Variants in FHOD3 observed in about 807,000 individuals in gnomAD.
FHOD3 encodes FH1/FH2 domain-containing protein 3.
In FHOD3, 90 loss-of-function variants were observed where a neutral mutation model predicts 173.0. That is an observed-to-expected ratio of 0.52 (90% CI 0.44 to 0.62). FHOD3 has a LOEUF of 0.62. Among genes scored for constraint, FHOD3 ranks in the 20% least tolerant of loss-of-function variants. FHOD3 has a pLI of 0.00. For synonymous variants in FHOD3, 828 were observed against 823.0 expected, an observed-to-expected ratio of 1.01 and a Z score of -0.10; for missense variants, 1,945 against 2,034.7, an observed-to-expected ratio of 0.96 and a Z score of 0.85.
At chr18:36,468,109 A>G (rs1219982748) in intron 3 of FHOD3, among the ~76,000 whole-genome samples, 1 of 151,868 alleles carries the variant, frequency 6.6e-6, no homozygotes, top group South Asian at 2.1e-4. Context: ...CTGGGAGCCG[A>G]GAGGGGAAGA....
chr18:36,532,673 C>T (rs1191869610), intron 5 of FHOD3, among the ~76,000 whole-genome samples: 1 of 152,206 alleles, frequency 6.6e-6, no homozygotes, highest in Non-Finnish European at 1.5e-5. Flanking sequence ...TCAGTAGTTA[C>T]CACGTGTTGT....
chr18:36,573,999 G>A (rs1309188555), intron 5 of FHOD3, among the ~76,000 whole-genome samples: 1 of 152,144 alleles, frequency 6.6e-6, no homozygotes, highest in Non-Finnish European at 1.5e-5. Flanking sequence ...TGCTACTTAG[G>A]CAGTGATGGA....
At chr18:36,714,263 G>A (rs906023606) in intron 18 of FHOD3, among the ~76,000 whole-genome samples, 5 of 152,130 alleles carry the variant, frequency 3.3e-5, no homozygotes, top group African/African-American at 4.8e-5. Context: ...TTGCCTGGGC[G>A]TGGTGGCTCA....
At chr18:36,524,634 C>T (rs955227333) in intron 5 of FHOD3, among the ~76,000 whole-genome samples, 1 of 152,190 alleles carries the variant, frequency 6.6e-6, no homozygotes, top group African/African-American at 2.4e-5. Context: ...CAACATGGTC[C>T]ACACAGTTTC....
intron 24 of FHOD3, among the ~76,000 whole-genome samples, chr18:36,749,521 A>G (rs989122359): frequency 1.3e-5 from 2 of 152,182 alleles, no homozygotes; most frequent in Non-Finnish European, 1.5e-5. Flanking sequence ...GTTCTTTCTT[A>G]TGGATGTATA....
intron 5 of FHOD3, among the ~76,000 whole-genome samples, chr18:36,536,931 A>C (rs1286173340): frequency 6.6e-6 from 1 of 152,250 alleles, no homozygotes; most frequent in Non-Finnish European, 1.5e-5. Context: ...GGAAAGAAAA[A>C]CAAAGGTAGA....
At chr18:36,555,709 G>A (rs1424332045) in intron 5 of FHOD3, among the ~76,000 whole-genome samples, 1 of 152,018 alleles carries the variant, frequency 6.6e-6, no homozygotes, top group East Asian at 1.9e-4. Flanking sequence ...GTACTTTGAA[G>A]CTTTGTTATT....
intron 20 of FHOD3, among the ~76,000 whole-genome samples, chr18:36,735,983 G>A (rs2041609334): frequency 6.6e-6 from 1 of 152,252 alleles, no homozygotes; most frequent in Non-Finnish European, 1.5e-5. Flanking sequence ...GAGCAATGCT[G>A]GAGAGACGCT....
chr18:36,544,880 C>T (rs903738), intron 5 of FHOD3, among the ~76,000 whole-genome samples: 111,618 of 152,036 alleles, frequency 0.73, 41,131 homozygotes, highest in Admixed American at 0.77. Context: ...ATTAACTTTT[C>T]AAAAATTAGA....
chr18:36,603,274 T>G (rs6507176), intron 8 of FHOD3, among the ~76,000 whole-genome samples: 132,148 of 152,062 alleles, frequency 0.87, 57,489 homozygotes, highest in East Asian at 0.96. Flanking sequence ...ACACCATGTG[T>G]ACACCCATCA....
chr18:36,417,179 A>G (rs965288659), intron 3 of FHOD3, among the ~76,000 whole-genome samples: 1 of 152,174 alleles, frequency 6.6e-6, no homozygotes, highest in East Asian at 1.9e-4. Flanking sequence ...TATTAAGCCT[A>G]GTATCCATTA....
intron 4 of FHOD3, among the ~76,000 whole-genome samples, chr18:36,509,693 G>T (rs2055526794): frequency 6.6e-6 from 1 of 152,164 alleles, no homozygotes; most frequent in Admixed American, 6.5e-5. Flanking sequence ...GGCACCTGGG[G>T]TTCACTAGAT....
chr18:36,738,037 TC>T (rs2150013997), intron 20 of FHOD3, among the ~76,000 whole-genome samples: 1 of 152,314 alleles, frequency 6.6e-6, no homozygotes, highest in South Asian at 2.1e-4. Flanking sequence ...ACTTATGTAT[TC>T]CCCATCACTG....
chr18:36,618,311 G>GTTTTTTT (rs34019893), intron 9 of FHOD3, among the ~76,000 whole-genome samples: 1 of 70,844 alleles, frequency 1.4e-5, no homozygotes, highest in African/African-American at 5.4e-5. Flanking sequence ...TTTTTTGGTG[G>GTTTTTTT]TTTTTTTTTT....
chr18:36,509,050 CAG>C (rs1169431415), intron 4 of FHOD3, among the ~76,000 whole-genome samples: 1 of 152,156 alleles, frequency 6.6e-6, no homozygotes, highest in Non-Finnish European at 1.5e-5. Flanking sequence ...TGATCCAAGA[CAG>C]AGGTACATGT....
chr18:36,635,818 G>T (rs75309505), intron 10 of FHOD3, among the ~76,000 whole-genome samples: 1 of 152,156 alleles, frequency 6.6e-6, no homozygotes, highest in South Asian at 2.1e-4. Context: ...AAACTGCATG[G>T]GCAGAGAACT....
intron 3 of FHOD3, among the ~76,000 whole-genome samples, chr18:36,432,836 G>A (rs1346110845): frequency 2.6e-5 from 4 of 152,210 alleles, no homozygotes; most frequent in Admixed American, 6.5e-5. Context: ...AAGGGACAGC[G>A]TAGCTTTTAT....
chr18:36,509,393 T>C (rs1186464166), intron 4 of FHOD3, among the ~76,000 whole-genome samples: 3 of 141,306 alleles, frequency 2.1e-5, no homozygotes, highest in Admixed American at 7.4e-5. Flanking sequence ...CGCCACTGCA[T>C]TCCAGCCTAG....
chr18:36,644,720 A>G (rs1274009721), intron 10 of FHOD3, among the ~76,000 whole-genome samples: 5 of 152,258 alleles, frequency 3.3e-5, no homozygotes, highest in Non-Finnish European at 7.3e-5. Context: ...TCAAAAAGAC[A>G]AAGTGCTTTT....
Sources: gnomAD v4.1 joint callset for allele counts (sites outside exome capture counted in the v4.1 genomes callset) on GRCh38, gnomAD v4.1.1 for gene constraint, MANE v1.5 for transcripts, NCBI Gene and HGNC (gene_info 2026-07-23, HGNC 2026-07-21) for gene names.